The following BMPR2 variants were observed in gnomAD, a reference collection of about 807,000 sequenced individuals.
BMPR2 encodes bone morphogenetic protein receptor type-2.
In BMPR2, 29 loss-of-function variants were observed where a neutral mutation model predicts 100.8. The ratio of observed to expected loss-of-function variants is 0.29; its 90% confidence interval spans 0.21 to 0.39. BMPR2 has a LOEUF of 0.39. Ranked by LOEUF, BMPR2 falls within the 10% of genes least tolerant of loss-of-function variation. The pLI, the probability that BMPR2 is intolerant of heterozygous loss-of-function variation, is 1.00. For synonymous variants in BMPR2, 382 were observed against 442.3 expected (o/e 0.86, Z 1.71); for missense variants, 1,011 against 1,274.5 (o/e 0.79, Z 3.15).
At position 202,518,895 on chromosome 2, in the gene BMPR2, T is replaced by C; in HGVS notation, c.695T>C (p.Phe232Ser). ...GAGCGTCCAGTTGCTGTAAAAGTGT[T>C]TTCCTTTGCAAACCGTCAGAATTTT... ...LDERPVAVKV[F>S]SFANRQNFIN... The change falls in exon 6 of 13, where the codon TTT becomes TCT. Residue 232 changes from phenylalanine (F) to serine (S), a missense_variant. By Grantham distance (155) the Phe-to-Ser change is radical. This residue lies in a region of BMPR2 where 355 missense variants were observed against 455.3 expected (regional missense o/e 0.78). Transcript: ENST00000374580. 1 of 1,614,230 alleles carries C rather than the reference T, an allele frequency of 6.2e-7. No individual in the cohort carries two copies. The highest frequency in any genetic ancestry group is 2.2e-5 in the East Asian group (1 of 44,890).
At chr2:202,392,112 C>G (rs1330034620) in intron 1 of BMPR2, among the ~76,000 whole-genome samples, 1 of 151,270 alleles carries the variant, frequency 6.6e-6, no homozygotes, top group Non-Finnish European at 1.5e-5. Context: ...CTCTCGTCCC[C>G]CAGGCTTGAG....
chr2:202,460,327 A>G (rs1473182667), intron 1 of BMPR2, among the ~76,000 whole-genome samples: 2 of 152,246 alleles, frequency 1.3e-5, no homozygotes, highest in Non-Finnish European at 2.9e-5. Flanking sequence ...GCCATAAAAA[A>G]GAATTCTTAA....
In BMPR2 at chr2:202,510,668, T is replaced by G. The variant is rs545297219; in HGVS notation, c.419-3051T>G. Among the ~76,000 whole-genome samples the G allele has an allele frequency of 3.5e-4, 52 of 148,186 alleles. 1 individual carries two copies. Among genetic ancestry groups the G allele is most frequent in the African/African-American group, 9.8e-4 (39 of 39,758 alleles). ...AAATTCTAAAATGAGGTTTTTTTTG[T>G]TTTTTTTTGTTTATTTGTTTGTTTG... On this transcript the variant is annotated intron_variant, in intron 3 of 12. Transcript: ENST00000374580.
intron 3 of BMPR2, among the ~76,000 whole-genome samples, chr2:202,500,144 G>C (rs908282962): frequency 6.6e-6 from 1 of 152,154 alleles, no homozygotes; most frequent in African/African-American, 2.4e-5. Flanking sequence ...TGAGCCCCGG[G>C]TATGTTTAAC....
intron 3 of BMPR2, among the ~76,000 whole-genome samples, chr2:202,504,220 C>G (rs1371916049): frequency 6.6e-6 from 1 of 152,088 alleles, no homozygotes; most frequent in Non-Finnish European, 1.5e-5. Context: ...GCTTGGGTCC[C>G]CTTCCACACT....
intron 1 of BMPR2, among the ~76,000 whole-genome samples, chr2:202,390,365 C>A (rs1458177087): frequency 6.9e-6 from 1 of 145,566 alleles, no homozygotes; most frequent in African/African-American, 2.6e-5. Flanking sequence ...CAGAGTCTTG[C>A]GCTGTTGCCC....
chr2:202,489,693 TAGTA>T (rs554495240), intron 3 of BMPR2, among the ~76,000 whole-genome samples: 1 of 152,202 alleles, frequency 6.6e-6, no homozygotes, highest in Non-Finnish European at 1.5e-5. Flanking sequence ...ATTTTATAGT[TAGTA>T]GTGGGATTCT....
rs1690171930 is a variant in BMPR2, at chr2:202,377,370, C to A, written c.-105C>A. ...CTTTCAAACTGTATTGTGATACGGG[C>A]AGGATCAGTCCACGGGAGAGAAGAC... is the stretch of plus-strand genomic sequence containing the variant. On this transcript the variant is annotated 5_prime_UTR_variant, in exon 1 of 13. Coordinates refer to ENST00000374580, the MANE Select transcript of BMPR2 (RefSeq NM_001204.7). 2.8e-6 allele frequency: 3 copies of A among 1,054,036 alleles called. No homozygotes were observed. The highest frequency in any genetic ancestry group is 2.5e-5 in the South Asian group (2 of 79,892). 65.3% of individuals were successfully genotyped at this position (1,054,036 alleles called of 1,614,324 possible).
In BMPR2 at chr2:202,414,159, G is replaced by T. The variant is rs553578149; in HGVS notation, c.76+36609G>T. On this transcript the variant is annotated intron_variant, in intron 1 of 12. Coordinates refer to ENST00000374580, the MANE Select transcript of BMPR2 (RefSeq NM_001204.7). The stretch of plus-strand genomic sequence containing the variant: ...CTTTTCATGTCTGTGTCATATTTTG[G>T]TAATTCTTGCAATGTTGCAAACATT... Among the ~76,000 whole-genome samples the T allele has an allele frequency of 3.3e-5, 5 of 152,160 alleles. No homozygotes were observed. The South Asian group carries it at 1.0e-3, about 32-fold the overall frequency.
In BMPR2 at chr2:202,562,908, A is replaced by G. The variant is rs974834867; in HGVS notation, c.*2962A>G. On this transcript the variant is annotated 3_prime_UTR_variant, in exon 13 of 13. Coordinates refer to ENST00000374580, the MANE Select transcript of BMPR2 (RefSeq NM_001204.7). ...ACATACTGAATGCTGAAGTATACAT[A>G]TGCTATTTCTCTTAAACCTCAGAGC... The G allele has an allele frequency of 6.6e-6, 1 of 152,224 alleles. No homozygotes were observed. The highest frequency in any genetic ancestry group is 2.4e-5 in the African/African-American group (1 of 41,456). The allele number at this position is 152,224 out of a possible 1,614,324, so 9.4% of individuals were successfully genotyped here. A position where few individuals can be genotyped will look rare whatever the true frequency, so the allele number is the denominator to read the frequency against.
At chr2:202,504,530 C>G (rs1271607386) in intron 3 of BMPR2, among the ~76,000 whole-genome samples, 1 of 152,088 alleles carries the variant, frequency 6.6e-6, no homozygotes, top group Non-Finnish European at 1.5e-5. Context: ...CCAGACGCAC[C>G]ACCTGAAGAG....
intron 6 of BMPR2, 21 bp from the exon 7 acceptor site, chr2:202,520,065 TC>T: frequency 6.7e-7 from 1 of 1,485,922 alleles, no homozygotes; most frequent in African/African-American, 1.4e-5. Context: ...TTTTTTTTTT[TC>T]GCATTTTTTC....
chr2:202,378,326 T>C lies in BMPR2; in HGVS notation c.76+776T>C, dbSNP rs546940751. Among the ~76,000 whole-genome samples the C allele has an allele frequency of 4.7e-4, 71 of 152,346 alleles. 1 individual carries two copies. Among genetic ancestry groups the C allele is most frequent in the Admixed American group, 2.4e-3 (37 of 15,298 alleles). ...ACCTTAGGAAAAAGACCTTATCTTC[T>C]ATTTGCAACTATTTTTTCAAGCAGC... On this transcript the variant is annotated intron_variant, in intron 1 of 12. Coordinates refer to ENST00000374580, the MANE Select transcript of BMPR2 (RefSeq NM_001204.7).
chr2:202,499,260 A>G (rs548271216), intron 3 of BMPR2, among the ~76,000 whole-genome samples: 74 of 152,326 alleles, frequency 4.9e-4, no homozygotes, highest in African/African-American at 1.5e-3. Flanking sequence ...CCTTGGAGAG[A>G]TGTCATGCTA....
intron 1 of BMPR2, among the ~76,000 whole-genome samples, chr2:202,381,273 T>TGG (rs1222045394): frequency 2.0e-5 from 3 of 152,162 alleles, no homozygotes; most frequent in African/African-American, 7.2e-5. Context: ...ACGCCTGGGC[T>TGG]GGATTTCTTA....
At chr2:202,479,727 C>A (rs1172993552) in intron 3 of BMPR2, among the ~76,000 whole-genome samples, 1 of 151,990 alleles carries the variant, frequency 6.6e-6, no homozygotes, top group East Asian at 1.9e-4. Flanking sequence ...CAATTATTTT[C>A]TTTTCATTTC....
intron 1 of BMPR2, among the ~76,000 whole-genome samples, chr2:202,462,321 A>C (rs1169586911): frequency 6.6e-6 from 1 of 151,312 alleles, no homozygotes; most frequent in East Asian, 2.0e-4. Flanking sequence ...CCCGGATTCA[A>C]CTGATTCTCC....
intron 3 of BMPR2, among the ~76,000 whole-genome samples, chr2:202,508,284 G>A (rs1687564177): frequency 6.6e-6 from 1 of 151,056 alleles, no homozygotes; most frequent in South Asian, 2.1e-4. Flanking sequence ...GTAGAGATGG[G>A]GTTTCACCAT....
intron 5 of BMPR2, among the ~76,000 whole-genome samples, chr2:202,515,595 A>G (rs1687698576): frequency 6.7e-6 from 1 of 149,156 alleles, no homozygotes. Context: ...AGAAAGAAAG[A>G]AAAAGAAAAT....
Sources: gnomAD v4.1 joint callset for allele counts (sites outside exome capture counted in the v4.1 genomes callset) on GRCh38, gnomAD v4.1.1 for gene constraint, gnomAD v4.1.1 regional missense constraint, MANE v1.5 for transcripts, NCBI Gene and HGNC (gene_info 2026-07-23, HGNC 2026-07-21) for gene names.